PARD3B: variants seen among roughly 807,000 people sequenced by gnomAD.
PARD3B encodes the protein partitioning defective 3 homolog B.
In PARD3B, 103 loss-of-function variants were observed where a neutral mutation model predicts 130.2. The ratio of observed to expected loss-of-function variants is 0.79; its 90% CI spans 0.67 to 0.93. The LOEUF is 0.93. PARD3B is among the 40% of genes least tolerant of loss of function. The probability of loss-of-function intolerance (pLI) is 0.00; values close to 1 mark genes in which losing one functional copy is unlikely to be tolerated. For synonymous variants in PARD3B, 583 were observed against 553.2 expected (o/e 1.05, Z -0.76); for missense variants, 1,609 against 1,499.2 (o/e 1.07, Z -1.21).
intron 2 of PARD3B, among the ~76,000 whole-genome samples, chr2:204,854,767 T>C (rs1291505268): frequency 6.6e-6 from 1 of 152,002 alleles, no homozygotes; most frequent in Non-Finnish European, 1.5e-5. Context: ...ATCATAAAGG[T>C]ATGTACACTT....
At chr2:204,714,980 A>G (rs1267412387) in intron 2 of PARD3B, among the ~76,000 whole-genome samples, 1 of 152,196 alleles carries the variant, frequency 6.6e-6, no homozygotes, top group Non-Finnish European at 1.5e-5. Flanking sequence ...GAGTTGACAA[A>G]TTATCCTTTA....
intron 19 of PARD3B, among the ~76,000 whole-genome samples, chr2:205,408,159 C>T (rs1238289661): frequency 1.3e-5 from 2 of 152,176 alleles, no homozygotes; most frequent in Non-Finnish European, 2.9e-5. Flanking sequence ...CTTCCAAGAA[C>T]TGCAGACTTC....
intron 4 of PARD3B, among the ~76,000 whole-genome samples, chr2:205,066,638 TG>T (rs1344300916): frequency 1.3e-5 from 2 of 152,150 alleles, no homozygotes; most frequent in Non-Finnish European, 2.9e-5. Context: ...TGGGAGCTCT[TG>T]TGTAGAAACT....
intron 18 of PARD3B, among the ~76,000 whole-genome samples, chr2:205,362,267 T>C (rs1176026650): frequency 1.3e-5 from 2 of 152,228 alleles, no homozygotes; most frequent in Non-Finnish European, 2.9e-5. Flanking sequence ...CAGAGCAAAA[T>C]AATAGCCTGC....
intron 20 of PARD3B, among the ~76,000 whole-genome samples, chr2:205,485,043 C>T (rs1468467047): frequency 1.3e-5 from 2 of 152,210 alleles, no homozygotes; most frequent in East Asian, 1.9e-4. Context: ...ATGGCAGATA[C>T]TCAGGCATTG....
At position 204,558,208 on chromosome 2, in the gene PARD3B, T is replaced by C. The variant is rs139126988; in HGVS notation, c.120+12089T>C. 3 of 152,262 alleles carry C rather than the reference T, an allele frequency of 2.0e-5. No homozygotes were observed. The East Asian group carries it at 5.8e-4, about 29-fold the overall frequency. The allele number at this position is 152,262 out of a possible 1,614,324, so 9.4% of individuals were successfully genotyped here. A position where few individuals can be genotyped will look rare whatever the true frequency, so the allele number is the denominator to read the frequency against. On this transcript the variant is annotated intron_variant, in intron 1 of 22. Coordinates refer to ENST00000406610, the MANE Select transcript of PARD3B (RefSeq NM_001302769.2). Reference sequence around the variant, plus strand: ...ATCTTCCAGATAAATATGTCCTGCATTGCTCTTGTCCGCTGCCTCAAGTTG... The same window carrying C: ...ATCTTCCAGATAAATATGTCCTGCACTGCTCTTGTCCGCTGCCTCAAGTTG...
At chr2:204,707,585 C>A (rs1308298771) in intron 2 of PARD3B, among the ~76,000 whole-genome samples, 1 of 152,070 alleles carries the variant, frequency 6.6e-6, no homozygotes, top group Non-Finnish European at 1.5e-5. Context: ...TATAAATGAT[C>A]TTTCATGACT....
intron 22 of PARD3B, among the ~76,000 whole-genome samples, chr2:205,566,952 C>T (rs2106535392): frequency 6.6e-6 from 1 of 152,300 alleles, no homozygotes; most frequent in African/African-American, 2.4e-5. Context: ...GAATTGGTGA[C>T]TTAATGTCAT....
At chr2:204,988,495 T>G (rs1693372710) in intron 3 of PARD3B, among the ~76,000 whole-genome samples, 2 of 152,114 alleles carry the variant, frequency 1.3e-5, no homozygotes, top group South Asian at 4.1e-4. Flanking sequence ...AAGATTGTAA[T>G]TGTTTGTAAC....
intron 14 of PARD3B, among the ~76,000 whole-genome samples, chr2:205,192,569 T>C (rs529924194): frequency 2.4e-4 from 37 of 152,342 alleles, no homozygotes; most frequent in Middle Eastern, 3.4e-3. Context: ...TATTTGAGAT[T>C]GCCTACAAGT....
rs181477088 is a variant in PARD3B at position 205,057,540 on chromosome 2, T to C, written c.504+9850T>C. Reference sequence around the variant, plus strand: ...GTGCATGTGTATATATACATATATGTATATGTGTATATGTATATATACATA... The same window carrying C: ...GTGCATGTGTATATATACATATATGCATATGTGTATATGTATATATACATA... On this transcript the variant is annotated intron_variant, in intron 4 of 22. Coordinates refer to ENST00000406610, the MANE Select transcript of PARD3B (RefSeq NM_001302769.2). Among the ~76,000 whole-genome samples, 46 of 146,594 alleles carry C rather than the reference T, an allele frequency of 3.1e-4. 2 individuals carry two copies. The East Asian group carries it at 7.3e-3, about 23-fold the overall frequency.
chr2:205,334,782 T>C (rs1274845964), intron 18 of PARD3B, among the ~76,000 whole-genome samples: 1 of 152,206 alleles, frequency 6.6e-6, no homozygotes, highest in Non-Finnish European at 1.5e-5. Context: ...GAATGCACTT[T>C]CCATCCTGCA....
At position 205,352,605 on chromosome 2, in the gene PARD3B, C is replaced by A. The variant is rs1033246971; in HGVS notation, c.2631-48408C>A. ...CGAGAAATAGAAGGCACGAAATAAC[C>A]ATTTTGGAGCAGATACACAGGCATC... is the stretch of plus-strand genomic sequence containing the variant. On this transcript the variant is annotated intron_variant, in intron 18 of 22. Coordinates refer to ENST00000406610, the MANE Select transcript of PARD3B (RefSeq NM_001302769.2). This position sits in a 1 kb window ranked among gnomAD's most constrained non-coding sequence, Gnocchi z 5.2. Among the ~76,000 whole-genome samples the A allele has an allele frequency of 6.6e-6, 1 of 152,096 alleles. No individual in the cohort carries two copies. The highest frequency in any genetic ancestry group is 1.5e-5 in the Non-Finnish European group (1 of 68,028).
At chr2:205,527,153 T>A (rs2106417756) in intron 21 of PARD3B, among the ~76,000 whole-genome samples, 1 of 152,292 alleles carries the variant, frequency 6.6e-6, no homozygotes, top group East Asian at 1.9e-4. Flanking sequence ...TATTGTTAAA[T>A]ATGCTTGATG....
chr2:204,864,560 G>A (rs1428375960), intron 2 of PARD3B, among the ~76,000 whole-genome samples: 2 of 152,122 alleles, frequency 1.3e-5, no homozygotes, highest in South Asian at 2.1e-4. Flanking sequence ...TATTCAAAGA[G>A]TGCTTCTCTG....
At position 204,851,430 on chromosome 2, in the gene PARD3B, C is replaced by G. The variant is rs371144552; in HGVS notation, c.223-113722C>G. Among the ~76,000 whole-genome samples, 4 of 152,274 alleles carry G rather than the reference C, an allele frequency of 2.6e-5. No homozygotes were observed. The South Asian group carries it at 6.2e-4, about 24-fold the overall frequency. On this transcript the variant is annotated intron_variant, in intron 2 of 22. Transcript: ENST00000406610. ...TTAGAATGAGTAGAGTACTGTTAAA[C>G]TAATCAGCTTGTTGTCAGAGTGAAT...
At chr2:205,028,655 A>C (rs1256752366) in intron 3 of PARD3B, among the ~76,000 whole-genome samples, 1 of 152,140 alleles carries the variant, frequency 6.6e-6, no homozygotes, top group African/African-American at 2.4e-5. Context: ...CTTCTATTCA[A>C]CATAGTCCCA....
At chr2:204,820,412 C>G (rs757491874) in intron 2 of PARD3B, among the ~76,000 whole-genome samples, 14 of 151,834 alleles carry the variant, frequency 9.2e-5, no homozygotes, top group Non-Finnish European at 1.6e-4. Context: ...AAACAGCTCT[C>G]TATTGGAGGA....
intron 2 of PARD3B, among the ~76,000 whole-genome samples, chr2:204,854,746 A>G (rs368713335): frequency 2.0e-5 from 3 of 152,136 alleles, no homozygotes; most frequent in Admixed American, 1.3e-4. Flanking sequence ...CAAAATATGA[A>G]TATTAGTCTC....
Sources: gnomAD v4.1 joint callset for allele counts (sites outside exome capture counted in the v4.1 genomes callset) on GRCh38, gnomAD v4.1.1 for gene constraint, Gnocchi (gnomAD v3.1) non-coding constraint, MANE v1.5 for transcripts, NCBI Gene and HGNC (gene_info 2026-07-23, HGNC 2026-07-21) for gene names.